The following CSMD1 variants were observed in gnomAD, a reference collection of about 807,000 sequenced individuals.
CSMD1 encodes the protein CUB and Sushi multiple domains 1, also known as CUB and sushi domain-containing protein 1.
Under a neutral mutation model 417.5 loss-of-function variants are expected in CSMD1, and 213 were observed. The observed-to-expected ratio is 0.51, with a 90% CI of 0.46 to 0.57. CSMD1 has a LOEUF of 0.57. Ranked by LOEUF, CSMD1 falls within the 20% of genes least tolerant of loss-of-function variation. The pLI is 0.00. For missense variants in CSMD1, 6,923 were observed against 4,529.7 expected, an observed-to-expected ratio of 1.53 and a Z score of -15.17; for synonymous variants, 2,862 against 1,736.8, an observed-to-expected ratio of 1.65 and a Z score of -16.11.
At chr8:4,656,172 C>T (rs1804217318) in intron 1 of CSMD1, among the ~76,000 whole-genome samples, 1 of 151,876 alleles carries the variant, frequency 6.6e-6, no homozygotes, top group Non-Finnish European at 1.5e-5. Context: ...GAGGGAAAAC[C>T]CCATAAGAAC....
At chr8:4,615,187 T>A (rs1801406009) in intron 2 of CSMD1, among the ~76,000 whole-genome samples, 1 of 152,088 alleles carries the variant, frequency 6.6e-6, no homozygotes, top group South Asian at 2.1e-4. Context: ...CCTTACACTC[T>A]CCATGCAAAG....
intron 1 of CSMD1, among the ~76,000 whole-genome samples, chr8:4,660,069 A>T (rs1322306944): frequency 1.3e-5 from 2 of 148,840 alleles, no homozygotes; most frequent in Non-Finnish European, 3.0e-5. Context: ...AAAAGAAAGG[A>T]TGTCCACTCT....
chr8:2,969,041 A>G (rs988634351), intron 57 of CSMD1, among the ~76,000 whole-genome samples: 2 of 152,128 alleles, frequency 1.3e-5, no homozygotes, highest in Non-Finnish European at 2.9e-5. Flanking sequence ...AGTTAAATAG[A>G]TGTGAATATC....
intron 37 of CSMD1, among the ~76,000 whole-genome samples, chr8:3,164,493 A>T (rs921093999): frequency 6.6e-6 from 1 of 152,216 alleles, no homozygotes; most frequent in Non-Finnish European, 1.5e-5. Context: ...TAAGTCTAAA[A>T]TCTTTTGTTT....
chr8:4,900,584 C>G (rs370619339), intron 1 of CSMD1, among the ~76,000 whole-genome samples: 1 of 152,160 alleles, frequency 6.6e-6, no homozygotes, highest in African/African-American at 2.4e-5. Flanking sequence ...TTTCTGGCCT[C>G]TTCTGATTTC....
At chr8:3,416,753 A>G (rs1331136378) in intron 12 of CSMD1, among the ~76,000 whole-genome samples, 2 of 152,172 alleles carry the variant, frequency 1.3e-5, no homozygotes, top group Admixed American at 6.5e-5. Flanking sequence ...GACAGCTAGT[A>G]CAGAACTCAC....
rs12216876 is a variant in CSMD1, at chr8:4,448,307, T to G, written c.303-28242A>C. Among the ~76,000 whole-genome samples, 281 of 152,344 alleles carry G rather than the reference T, an allele frequency of 1.8e-3. 1 individual carries two copies. The highest frequency in any genetic ancestry group is 3.3e-3 in the Non-Finnish European group (224 of 68,028). ...AACACAAAAAAGGGTACATTTTGTT[T>G]GCCGATCTAGGAGGATTTTTAATTT... is the stretch of plus-strand genomic sequence containing the variant. On this transcript the variant is annotated intron_variant, in intron 2 of 69. Transcript: ENST00000635120.
At chr8:3,663,893 T>C (rs953369014) in intron 7 of CSMD1, among the ~76,000 whole-genome samples, 1 of 152,210 alleles carries the variant, frequency 6.6e-6, no homozygotes, top group South Asian at 2.1e-4. Flanking sequence ...CAACCTTGGA[T>C]AAATAAACTT....
intron 3 of CSMD1, among the ~76,000 whole-genome samples, chr8:4,179,260 C>G (rs922122664): frequency 6.6e-6 from 1 of 152,072 alleles, no homozygotes; most frequent in Non-Finnish European, 1.5e-5. Context: ...ACAGAGCCCT[C>G]AGAAATAATG....
intron 7 of CSMD1, among the ~76,000 whole-genome samples, chr8:3,684,043 A>G (rs1216106158): frequency 6.7e-6 from 1 of 150,112 alleles, no homozygotes; most frequent in Non-Finnish European, 1.5e-5. Context: ...CAGTCTTTCT[A>G]TTTTAATGTA....
At chr8:3,972,656 T>C (rs556377282) in intron 5 of CSMD1, among the ~76,000 whole-genome samples, 3 of 152,234 alleles carry the variant, frequency 2.0e-5, no homozygotes, top group Non-Finnish European at 2.9e-5. Flanking sequence ...ATAGTAAGAA[T>C]AGTAACAGAT....
At chr8:4,117,761 A>G (rs530676160) in intron 3 of CSMD1, among the ~76,000 whole-genome samples, 1 of 152,254 alleles carries the variant, frequency 6.6e-6, no homozygotes, top group South Asian at 2.1e-4. Flanking sequence ...AGATATTCAG[A>G]AACACACCAG....
intron 1 of CSMD1, among the ~76,000 whole-genome samples, chr8:4,744,461 C>T (rs1810821888): frequency 6.6e-6 from 1 of 152,172 alleles, no homozygotes; most frequent in Non-Finnish European, 1.5e-5. Context: ...TCCCAAAATG[C>T]TCTCCATAAG....
intron 23 of CSMD1, among the ~76,000 whole-genome samples, chr8:3,316,755 G>A (rs62504450): frequency 0.083 from 12,603 of 152,204 alleles, 671 homozygotes; most frequent in Non-Finnish European, 0.12. Flanking sequence ...GAAAGGACTC[G>A]GCTGCAGCAC....
chr8:4,163,652 A>G (rs968159371), intron 3 of CSMD1, among the ~76,000 whole-genome samples: 3 of 152,178 alleles, frequency 2.0e-5, no homozygotes, highest in Non-Finnish European at 4.4e-5. Flanking sequence ...GTGGAGTAAA[A>G]TTCAAGGAAA....
At chr8:3,670,968 A>G (rs1001499771) in intron 7 of CSMD1, among the ~76,000 whole-genome samples, 17 of 119,896 alleles carry the variant, frequency 1.4e-4, no homozygotes, top group South Asian at 1.1e-3. Context: ...GGATATATGT[A>G]TATGGGATAT....
chr8:4,114,631 C>T (rs1287248846), intron 3 of CSMD1, among the ~76,000 whole-genome samples: 2 of 152,088 alleles, frequency 1.3e-5, no homozygotes, highest in Non-Finnish European at 2.9e-5. Flanking sequence ...ATTGAAAAAC[C>T]TTCTGGAAAG....
intron 26 of CSMD1, among the ~76,000 whole-genome samples, chr8:3,240,625 T>G (rs1253560774): frequency 6.6e-6 from 1 of 151,682 alleles, no homozygotes; most frequent in Non-Finnish European, 1.5e-5. Context: ...CTGATGGGTG[T>G]CAGGGTCAGT....
chr8:4,851,745 C>A (rs530757736), intron 1 of CSMD1, among the ~76,000 whole-genome samples: 1 of 152,306 alleles, frequency 6.6e-6, no homozygotes, highest in Admixed American at 6.5e-5. Context: ...ACTTCTTCTT[C>A]TTCAAAGACA....
Sources: allele counts gnomAD v4.1 joint callset (sites outside exome capture counted in the v4.1 genomes callset), GRCh38; gene constraint gnomAD v4.1.1; transcripts MANE v1.5; gene names NCBI Gene and HGNC (gene_info 2026-07-23, HGNC 2026-07-21).